Variants in SETBP1 observed in about 807,000 individuals in gnomAD.
SETBP1 encodes the protein SET binding protein 1, also known as SET-binding protein.
Under a neutral mutation model 101.0 loss-of-function variants are expected in SETBP1, and 9 were observed. That is an observed-to-expected ratio of 0.09 (90% CI 0.05 to 0.16). The LOEUF is 0.16. Among genes scored for constraint, SETBP1 ranks in the 10% least tolerant of loss-of-function variants. The pLI is 1.00. For synonymous variants in SETBP1, 818 were observed against 788.5 expected (o/e 1.04, Z -0.63); for missense variants, 1,858 against 2,033.8 (o/e 0.91, Z 1.66).
chr18:44,850,653 G>A (rs1174621667), intron 2 of SETBP1, among the ~76,000 whole-genome samples: 1 of 152,060 alleles, frequency 6.6e-6, no homozygotes, highest in Non-Finnish European at 1.5e-5. Flanking sequence ...TTATAGGTGT[G>A]AGCCACAGCA....
At chr18:44,882,543 A>G (rs1397120247) in intron 3 of SETBP1, among the ~76,000 whole-genome samples, 2 of 149,942 alleles carry the variant, frequency 1.3e-5, no homozygotes, top group East Asian at 2.0e-4. Flanking sequence ...CTTCACACCT[A>G]TGATAAAGGC....
At chr18:44,783,865 G>A (rs147686573) in intron 2 of SETBP1, among the ~76,000 whole-genome samples, 23 of 152,300 alleles carry the variant, frequency 1.5e-4, no homozygotes, top group Admixed American at 1.4e-3. Context: ...GGTGCTAATG[G>A]CACTAATTCT....
intron 4 of SETBP1, among the ~76,000 whole-genome samples, chr18:44,980,156 T>G (rs79728992): frequency 0.017 from 2,550 of 152,320 alleles, 70 homozygotes; most frequent in African/African-American, 0.058. Flanking sequence ...GAGTATAGAA[T>G]GAAGCAGATT....
intron 2 of SETBP1, among the ~76,000 whole-genome samples, chr18:44,729,321 G>A (rs1325542374): frequency 6.6e-6 from 1 of 152,218 alleles, no homozygotes; most frequent in Non-Finnish European, 1.5e-5. Context: ...AGAGACTGGA[G>A]CAAGAGATGC....
chr18:44,945,116 A>C (rs952892226), intron 3 of SETBP1, among the ~76,000 whole-genome samples: 1 of 152,174 alleles, frequency 6.6e-6, no homozygotes, highest in Non-Finnish European at 1.5e-5. Context: ...CGTCATTTAC[A>C]TTAGGTATAT....
At chr18:44,960,263 A>C (rs1024518712) in intron 4 of SETBP1, among the ~76,000 whole-genome samples, 1 of 152,066 alleles carries the variant, frequency 6.6e-6, no homozygotes, top group African/African-American at 2.4e-5. Context: ...GTGAGGAAAG[A>C]ATATTGTGGT....
chr18:44,932,505 G>A (rs2070860929), intron 3 of SETBP1, among the ~76,000 whole-genome samples: 1 of 152,196 alleles, frequency 6.6e-6, no homozygotes, highest in Non-Finnish European at 1.5e-5. Flanking sequence ...GGTTGGGGAA[G>A]TTCTTCTGGA....
intron 3 of SETBP1, among the ~76,000 whole-genome samples, chr18:44,880,162 A>G (rs1262054082): frequency 1.3e-5 from 2 of 152,200 alleles, no homozygotes; most frequent in East Asian, 3.9e-4. Flanking sequence ...AGGATTTTAT[A>G]TGATGACTTT....
chr18:44,680,620 G>T (rs917350049), upstream of SETBP1, among the ~76,000 whole-genome samples: 1 of 152,184 alleles, frequency 6.6e-6, no homozygotes, highest in South Asian at 2.1e-4. Flanking sequence ...GCGCGATTCC[G>T]GCGGGCCGGC....
In SETBP1 at chr18:45,028,359, C is replaced by T. The variant is rs1599467100; in HGVS notation, c.4001-10126C>T. Among the ~76,000 whole-genome samples, 4 of 151,508 alleles carry T rather than the reference C, an allele frequency of 2.6e-5. No individual in the cohort carries two copies. In the South Asian group the frequency reaches 8.4e-4, roughly 32 times the overall value. On this transcript the variant is annotated intron_variant, in intron 4 of 5. Coordinates refer to ENST00000649279, the MANE Select transcript of SETBP1 (RefSeq NM_015559.3). The stretch of plus-strand genomic sequence containing the variant: ...ATGAACTCATCATTTTTTATGGCTG[C>T]ATAGTATTCCATGGTGTATATGTGC...
chr18:44,699,683 G>A (rs1377154850), intron 1 of SETBP1, among the ~76,000 whole-genome samples: 2 of 152,160 alleles, frequency 1.3e-5, no homozygotes, highest in Non-Finnish European at 2.9e-5. Flanking sequence ...AATCTTCCCC[G>A]AAGTGGAAGC....
At chr18:44,958,501 G>C (rs140731953) in intron 4 of SETBP1, among the ~76,000 whole-genome samples, 1 of 152,210 alleles carries the variant, frequency 6.6e-6, no homozygotes, top group African/African-American at 2.4e-5. Context: ...TTTAGACTCA[G>C]CATTAAATAA....
chr18:44,876,784 G>A (rs2069416601), intron 3 of SETBP1: 1 of 1,472,800 alleles, frequency 6.8e-7, no homozygotes, highest in Non-Finnish European at 9.0e-7. Flanking sequence ...GCCCACACCT[G>A]TGGTCATTCC....
intron 3 of SETBP1, among the ~76,000 whole-genome samples, chr18:44,942,485 C>T (rs1428943644): frequency 6.6e-6 from 1 of 152,106 alleles, no homozygotes; most frequent in Non-Finnish European, 1.5e-5. Context: ...CTCAGGAGCC[C>T]CAAACTCTGA....
chr18:44,853,013 G>C (rs539141971), intron 2 of SETBP1, among the ~76,000 whole-genome samples: 2 of 152,354 alleles, frequency 1.3e-5, no homozygotes, highest in South Asian at 4.1e-4. Flanking sequence ...CTCTGGGCTG[G>C]TGGATGCACT....
intron 5 of SETBP1, among the ~76,000 whole-genome samples, chr18:45,047,425 G>A (rs1193174147): frequency 6.6e-6 from 1 of 152,142 alleles, no homozygotes. Context: ...TGAAAGTGTG[G>A]TGCCTGCCTT....
intron 2 of SETBP1, among the ~76,000 whole-genome samples, chr18:44,855,630 G>C (rs1441151947): frequency 4.6e-5 from 7 of 152,220 alleles, no homozygotes; most frequent in Non-Finnish European, 8.8e-5. Flanking sequence ...GTGACTTCAG[G>C]CTAGTAGCTT....
Position 44,740,918 on chromosome 18 carries a change from A to T in SETBP1, c.486+39086A>T, listed in dbSNP as rs190315520. 2.6e-5 allele frequency among the ~76,000 whole-genome samples: 4 copies of T among 152,312 alleles called. No individual in the cohort carries two copies. In the East Asian group the frequency reaches 5.8e-4, roughly 22 times the overall value. ...GGAACCTGCACTTGGATAAATTTGA[A>T]TGTACATCTTGATTTCTCAGTTCTC... On this transcript the variant is annotated intron_variant, in intron 2 of 5. Coordinates refer to ENST00000649279, the MANE Select transcript of SETBP1 (RefSeq NM_015559.3).
At chr18:45,053,045 T>A (rs976223635) in intron 5 of SETBP1, among the ~76,000 whole-genome samples, 16 of 152,184 alleles carry the variant, frequency 1.1e-4, no homozygotes, top group Non-Finnish European at 2.4e-4. Flanking sequence ...CCTTGGCCAG[T>A]GTTGGTAGCT....
Sources: gnomAD v4.1 joint callset for allele counts (sites outside exome capture counted in the v4.1 genomes callset) on GRCh38, gnomAD v4.1.1 for gene constraint, MANE v1.5 for transcripts, NCBI Gene and HGNC (gene_info 2026-07-23, HGNC 2026-07-21) for gene names.